MSI2: variants seen among roughly 807,000 people sequenced by gnomAD.
MSI2 encodes the protein musashi RNA binding protein 2, also known as RNA-binding protein Musashi homolog 2.
A neutral mutation model predicts 45.6 loss-of-function variants in MSI2; 17 were observed. That is an observed-to-expected ratio of 0.37 (90% CI 0.26 to 0.56). The LOEUF (loss-of-function observed/expected upper bound fraction) is 0.56, where lower values mean the gene tolerates loss of function less well. Ranked by LOEUF, MSI2 falls within the 20% of genes least tolerant of loss-of-function variation. MSI2 has a pLI of 0.77. For synonymous variants in MSI2, 156 were observed against 158.2 expected, an observed-to-expected ratio of 0.99 and a Z score of 0.11; for missense variants, 293 against 444.2, an observed-to-expected ratio of 0.66 and a Z score of 3.06.
At chr17:57,317,733 G>T (rs1352759183) in intron 5 of MSI2, among the ~76,000 whole-genome samples, 12 of 152,058 alleles carry the variant, frequency 7.9e-5, no homozygotes, top group Admixed American at 7.9e-4. Context: ...ACTGAGATAG[G>T]GACTTATTTC....
intron 11 of MSI2, among the ~76,000 whole-genome samples, chr17:57,658,249 G>A (rs1911746977): frequency 6.6e-6 from 1 of 152,200 alleles, no homozygotes; most frequent in Non-Finnish European, 1.5e-5. Context: ...TGTGGCCATA[G>A]AATACAGCCA....
chr17:57,669,018 A>G (rs1486804079), intron 11 of MSI2, among the ~76,000 whole-genome samples: 1 of 152,244 alleles, frequency 6.6e-6, no homozygotes, highest in African/African-American at 2.4e-5. Context: ...GCTTGAGCCA[A>G]GGATTGCTGG....
At chr17:57,429,281 C>G (rs903891146) in intron 6 of MSI2, among the ~76,000 whole-genome samples, 5 of 152,118 alleles carry the variant, frequency 3.3e-5, no homozygotes, top group African/African-American at 1.2e-4. Flanking sequence ...AAAGGTTGGC[C>G]CCGGTTTTGG....
chr17:57,679,325 C>T (rs1008954729), intron 13 of MSI2, among the ~76,000 whole-genome samples: 1 of 152,240 alleles, frequency 6.6e-6, no homozygotes, highest in African/African-American at 2.4e-5. Context: ...GTCCTCTCCC[C>T]AGTGTCAGGT....
chr17:57,500,093 A>T (rs1388920057), intron 6 of MSI2, among the ~76,000 whole-genome samples: 2 of 152,162 alleles, frequency 1.3e-5, no homozygotes, highest in Non-Finnish European at 2.9e-5. Flanking sequence ...CGGGGGAGAT[A>T]TTGTGGCCAT....
At chr17:57,358,400 G>T (rs1384509685) in intron 5 of MSI2, among the ~76,000 whole-genome samples, 1 of 152,160 alleles carries the variant, frequency 6.6e-6, no homozygotes, top group East Asian at 1.9e-4. Flanking sequence ...AGGCCAGGCT[G>T]CGTCCATTTG....
At chr17:57,471,844 T>C (rs966171323) in intron 6 of MSI2, among the ~76,000 whole-genome samples, 6 of 152,140 alleles carry the variant, frequency 3.9e-5, no homozygotes, top group Non-Finnish European at 5.9e-5. Flanking sequence ...GCATCAGCTT[T>C]CTGGAAAGCC....
chr17:57,530,942 A>G (rs1248730203), intron 7 of MSI2, among the ~76,000 whole-genome samples: 2 of 143,102 alleles, frequency 1.4e-5, no homozygotes, highest in African/African-American at 5.2e-5. Context: ...AGTGGTGTCA[A>G]GTGGTATTTA....
chr17:57,529,360 C>T lies in MSI2; in HGVS notation c.406-316C>T, dbSNP rs1203859500. Among the ~76,000 whole-genome samples the T allele has an allele frequency of 6.6e-6, 1 of 152,104 alleles. No homozygotes were observed. Among genetic ancestry groups the T allele is most frequent in the Admixed American group, 6.6e-5 (1 of 15,260 alleles). On this transcript the variant is annotated intron_variant, in intron 6 of 13. Transcript: ENST00000284073. This position sits in a 1 kb window ranked among gnomAD's most constrained non-coding sequence, Gnocchi z 5.3. Reference sequence around the variant, plus strand: ...CTGAGGCAGGAGGATTGCTTGAGCTCAGGAGGTCGAGACTGCAGTGAGCCG... The same window carrying T: ...CTGAGGCAGGAGGATTGCTTGAGCTTAGGAGGTCGAGACTGCAGTGAGCCG...
chr17:57,427,625 A>G (rs933862934), intron 6 of MSI2, among the ~76,000 whole-genome samples: 5 of 152,142 alleles, frequency 3.3e-5, no homozygotes, highest in African/African-American at 9.7e-5. Flanking sequence ...CACTTTACAT[A>G]TGGGGGTTAG....
intron 5 of MSI2, among the ~76,000 whole-genome samples, chr17:57,295,647 G>C (rs1910856052): frequency 6.6e-6 from 1 of 152,240 alleles, no homozygotes; most frequent in East Asian, 1.9e-4. Flanking sequence ...CTTTGTTCTA[G>C]CCAATGTTTT....
intron 6 of MSI2, among the ~76,000 whole-genome samples, chr17:57,416,354 C>A (rs2084293830): frequency 6.6e-6 from 1 of 152,232 alleles, no homozygotes; most frequent in Non-Finnish European, 1.5e-5. Context: ...GATCTTAAAA[C>A]ACACCTATGG....
chr17:57,687,014 C>G (rs538223057), downstream of MSI2, among the ~76,000 whole-genome samples: 9 of 147,060 alleles, frequency 6.1e-5, no homozygotes, highest in Non-Finnish European at 1.4e-4. Context: ...AGCCCCCCCC[C>G]CAAAAAATTT....
chr17:57,499,854 C>A (rs1567861072), intron 6 of MSI2, among the ~76,000 whole-genome samples: 1 of 152,192 alleles, frequency 6.6e-6, no homozygotes, highest in Non-Finnish European at 1.5e-5. Flanking sequence ...TTCTTTATAT[C>A]ATGGCTGCCT....
intron 5 of MSI2, among the ~76,000 whole-genome samples, chr17:57,378,752 A>G (rs551224190): frequency 9.2e-5 from 14 of 152,312 alleles, no homozygotes; most frequent in African/African-American, 3.4e-4. Context: ...GGGTGTTGGC[A>G]TACCAGGCTT....
intron 13 of MSI2, among the ~76,000 whole-genome samples, chr17:57,679,301 A>G (rs1913456416): frequency 6.6e-6 from 1 of 152,346 alleles, no homozygotes; most frequent in African/African-American, 2.4e-5. Flanking sequence ...AATCAGCAAA[A>G]GAATTGAAGC....
At chr17:57,514,333 G>C (rs2143962164) in intron 6 of MSI2, among the ~76,000 whole-genome samples, 1 of 152,332 alleles carries the variant, frequency 6.6e-6, no homozygotes, top group Middle Eastern at 3.4e-3. Context: ...ACTTCATCAA[G>C]TTATAAAGTT....
intron 10 of MSI2, among the ~76,000 whole-genome samples, chr17:57,641,216 A>G (rs1247867107): frequency 6.6e-6 from 1 of 152,158 alleles, no homozygotes; most frequent in Non-Finnish European, 1.5e-5. Flanking sequence ...GGAACTTAAG[A>G]TCACAGATGT....
At position 57,612,343 on chromosome 17, in the gene MSI2, T is replaced by C. The variant is rs1364340117; in HGVS notation, c.538-3627T>C. ...GCACTTGCCTGGCGTGTTGAGTTCC[T>C]CCGCATCTGCGTCATTGAATTAAGT... On this transcript the variant is annotated intron_variant, in intron 8 of 13. Coordinates refer to ENST00000284073, the MANE Select transcript of MSI2 (RefSeq NM_138962.4). 2.1e-5 allele frequency among the ~76,000 whole-genome samples: 2 copies of C among 94,064 alleles called. 1 individual carries two copies. Among genetic ancestry groups the C allele is most frequent in the Non-Finnish European group, 5.1e-5 (2 of 39,176 alleles). 61.7% of individuals were successfully genotyped at this position (94,064 alleles called of 152,430 possible). A position where few individuals can be genotyped will look rare whatever the true frequency, so the allele number is the denominator to read the frequency against.
Sources: gnomAD v4.1 joint callset for allele counts (sites outside exome capture counted in the v4.1 genomes callset) on GRCh38, gnomAD v4.1.1 for gene constraint, Gnocchi (gnomAD v3.1) non-coding constraint, MANE v1.5 for transcripts, NCBI Gene and HGNC (gene_info 2026-07-23, HGNC 2026-07-21) for gene names.